CNBD1: variants seen among roughly 807,000 people sequenced by gnomAD.
The protein encoded by CNBD1 is cyclic nucleotide-binding domain-containing protein 1.
In CNBD1, 71 loss-of-function variants were observed where a neutral mutation model predicts 54.4. The observed-to-expected ratio is 1.30, with a 90% CI of 1.08 to 1.59. The LOEUF (loss-of-function observed/expected upper bound fraction) is 1.59, where lower values mean the gene tolerates loss of function less well. Ranked by LOEUF, CNBD1 falls within the 40% of genes most tolerant of loss-of-function variation. CNBD1 has a pLI of 0.00. For synonymous variants in CNBD1, 182 were observed against 170.7 expected (o/e 1.07, Z -0.51); for missense variants, 659 against 518.0 (o/e 1.27, Z -2.64).
intron 6 of CNBD1, among the ~76,000 whole-genome samples, chr8:87,261,530 A>T (rs937765201): frequency 5.4e-5 from 1 of 18,456 alleles, no homozygotes; most frequent in Admixed American, 4.3e-4. Context: ...ATTTATAGAC[A>T]AAAAAAAAAA....
At chr8:87,332,135 G>T (rs1430857923) in intron 8 of CNBD1, among the ~76,000 whole-genome samples, 1 of 152,120 alleles carries the variant, frequency 6.6e-6, no homozygotes, top group Non-Finnish European at 1.5e-5. Context: ...ATCGTTTGAG[G>T]TCAGGAGTTC....
intron 4 of CNBD1, among the ~76,000 whole-genome samples, chr8:87,051,971 A>G (rs1452397035): frequency 2.0e-5 from 3 of 152,156 alleles, no homozygotes; most frequent in South Asian, 2.1e-4. Flanking sequence ...GCCTCCAGGG[A>G]CAGTCCAACC....
intron 4 of CNBD1, among the ~76,000 whole-genome samples, chr8:86,962,248 C>A (rs771213752): frequency 2.8e-4 from 42 of 152,078 alleles, no homozygotes; most frequent in Admixed American, 7.9e-4. Context: ...ACTGATAAAA[C>A]CTTTTTCCAG....
At chr8:86,936,556 CTG>C (rs1809551431) in intron 3 of CNBD1, among the ~76,000 whole-genome samples, 2 of 151,918 alleles carry the variant, frequency 1.3e-5, no homozygotes, top group South Asian at 4.2e-4. Flanking sequence ...CTGGCTAACA[CTG>C]TGAAACCCCA....
At chr8:87,103,451 A>C (rs951899226) in intron 4 of CNBD1, among the ~76,000 whole-genome samples, 4 of 152,258 alleles carry the variant, frequency 2.6e-5, no homozygotes, top group African/African-American at 4.8e-5. Flanking sequence ...TAATAAAGAC[A>C]TACCTAGGAC....
At chr8:87,177,817 G>A (rs914682129) in intron 4 of CNBD1, among the ~76,000 whole-genome samples, 1 of 152,110 alleles carries the variant, frequency 6.6e-6, no homozygotes, top group Non-Finnish European at 1.5e-5. Flanking sequence ...TAGAAGAATT[G>A]CATGAATTGT....
At chr8:87,033,800 T>C (rs572889206) in intron 4 of CNBD1, among the ~76,000 whole-genome samples, 1 of 152,336 alleles carries the variant, frequency 6.6e-6, no homozygotes, top group Admixed American at 6.5e-5. Context: ...CAGAAGCTGC[T>C]TCTCCTGTTA....
intron 6 of CNBD1, among the ~76,000 whole-genome samples, chr8:87,283,260 C>T (rs1476243207): frequency 6.6e-6 from 1 of 151,932 alleles, no homozygotes; most frequent in African/African-American, 2.4e-5. Context: ...CTTTTTGCTT[C>T]CATCATGTCA....
chr8:87,251,173 C>T (rs1041695571), intron 6 of CNBD1, among the ~76,000 whole-genome samples: 1 of 151,760 alleles, frequency 6.6e-6, no homozygotes, highest in Admixed American at 6.6e-5. Flanking sequence ...AAATACAGGA[C>T]CCTTGAGATC....
At chr8:87,389,021 G>A (rs1017476406) in intron 2 of CNBD1, among the ~76,000 whole-genome samples, 1 of 152,132 alleles carries the variant, frequency 6.6e-6, no homozygotes, top group African/African-American at 2.4e-5. Flanking sequence ...CTCAATAGAT[G>A]CAGAAAAGGC....
chr8:87,090,431 C>T (rs944966930), intron 4 of CNBD1, among the ~76,000 whole-genome samples: 1 of 152,114 alleles, frequency 6.6e-6, no homozygotes, highest in Admixed American at 6.5e-5. Flanking sequence ...GACAGTAATC[C>T]ATCTGGATAT....
At chr8:87,071,395 C>G (rs1586236049) in intron 4 of CNBD1, among the ~76,000 whole-genome samples, 1 of 152,174 alleles carries the variant, frequency 6.6e-6, no homozygotes, top group East Asian at 1.9e-4. Flanking sequence ...TGAAAAGGCT[C>G]CATTCATTAG....
chr8:87,177,114 A>C lies in CNBD1; in HGVS notation c.432-28879A>C, dbSNP rs148820986. On this transcript the variant is annotated intron_variant, in intron 4 of 10. Coordinates refer to ENST00000518476, the MANE Select transcript of CNBD1 (RefSeq NM_173538.3). ...AAGGTTAAATGAGGCAATGTAAGTA[A>C]ACCTGCACTGAAAAATTTAAAGGTT... Among the ~76,000 whole-genome samples the C allele has an allele frequency of 2.0e-5, 3 of 152,304 alleles. No homozygotes were observed. The East Asian group carries it at 5.8e-4, about 29-fold the overall frequency.
chr8:86,999,678 C>A (rs899674046), intron 4 of CNBD1, among the ~76,000 whole-genome samples: 6 of 152,272 alleles, frequency 3.9e-5, no homozygotes, highest in Admixed American at 1.3e-4. Flanking sequence ...GACACTAATC[C>A]CTTATTTCCT....
At chr8:86,938,919 T>C (rs1052427990) in intron 3 of CNBD1, among the ~76,000 whole-genome samples, 1 of 152,228 alleles carries the variant, frequency 6.6e-6, no homozygotes, top group African/African-American at 2.4e-5. Context: ...CCTATGTATA[T>C]AATTAAAGGT....
At chr8:87,162,548 T>C (rs1812879202) in intron 4 of CNBD1, among the ~76,000 whole-genome samples, 1 of 152,170 alleles carries the variant, frequency 6.6e-6, no homozygotes, top group Admixed American at 6.6e-5. Flanking sequence ...ATAGAGGTTT[T>C]GGATTTAATA....
chr8:87,269,735 C>G (rs1462590934), intron 6 of CNBD1, among the ~76,000 whole-genome samples: 3 of 152,002 alleles, frequency 2.0e-5, no homozygotes, highest in Non-Finnish European at 4.4e-5. Flanking sequence ...AAATCCTGAA[C>G]AGACCAATAA....
At chr8:87,141,631 T>G (rs1369000039) in intron 4 of CNBD1, among the ~76,000 whole-genome samples, 2 of 152,062 alleles carry the variant, frequency 1.3e-5, no homozygotes, top group African/African-American at 4.8e-5. Context: ...TGTGTAATAT[T>G]TTCAAATAAC....
At chr8:87,009,561 A>G (rs1809172398) in intron 4 of CNBD1, among the ~76,000 whole-genome samples, 1 of 152,060 alleles carries the variant, frequency 6.6e-6, no homozygotes, top group Non-Finnish European at 1.5e-5. Context: ...CAGCCTCTCA[A>G]AGTGTGCTGG....
Sources: allele counts gnomAD v4.1 joint callset (sites outside exome capture counted in the v4.1 genomes callset), GRCh38; gene constraint gnomAD v4.1.1; transcripts MANE v1.5; gene names NCBI Gene and HGNC (gene_info 2026-07-23, HGNC 2026-07-21).